GLRA1: variants seen among roughly 807,000 people sequenced by gnomAD.
GLRA1 encodes the protein glycine receptor subunit alpha-1.
Under a neutral mutation model 48.3 loss-of-function variants are expected in GLRA1, and 37 were observed. The ratio of observed to expected loss-of-function variants is 0.77; its 90% confidence interval spans 0.59 to 1.01. The LOEUF is 1.01. Ranked by LOEUF, GLRA1 falls within the 50% of genes least tolerant of loss-of-function variation. The pLI, the probability that GLRA1 is intolerant of heterozygous loss-of-function variation, is 0.00. For missense variants in GLRA1, 427 were observed against 571.0 expected (o/e 0.75, Z 2.57); for synonymous variants, 196 against 210.7 (o/e 0.93, Z 0.60).
chr5:151,880,389 C>T (rs59477412), intron 3 of GLRA1, among the ~76,000 whole-genome samples: 7,259 of 152,254 alleles, frequency 0.048, 610 homozygotes, highest in African/African-American at 0.16. Context: ...ACTCCTGGTT[C>T]AGATCTCTGT....
At chr5:151,835,070 C>A (rs7706957) in intron 7 of GLRA1, among the ~76,000 whole-genome samples, 3 of 143,218 alleles carry the variant, frequency 2.1e-5, no homozygotes, top group African/African-American at 5.2e-5. Flanking sequence ...GAAATAGACA[C>A]GATAAAAATG....
At chr5:151,856,074 T>C (rs1199019986) in intron 5 of GLRA1, among the ~76,000 whole-genome samples, 1 of 152,258 alleles carries the variant, frequency 6.6e-6, no homozygotes, top group African/African-American at 2.4e-5. Context: ...ACAATGACCC[T>C]TTGGAGAATG....
intron 3 of GLRA1, among the ~76,000 whole-genome samples, chr5:151,884,185 T>C (rs974827435): frequency 6.6e-6 from 1 of 152,098 alleles, no homozygotes; most frequent in African/African-American, 2.4e-5. Flanking sequence ...TCCCAACACT[T>C]TGGGAGGCCG....
At chr5:151,877,716 T>G (rs1467213841) in intron 3 of GLRA1, among the ~76,000 whole-genome samples, 1 of 152,192 alleles carries the variant, frequency 6.6e-6, no homozygotes, top group Non-Finnish European at 1.5e-5. Context: ...CTGATAGTTT[T>G]AAAAAGAGGA....
chr5:151,860,135 TA>T, intron 3 of GLRA1, 127 bp from the exon 4 acceptor site: 1 of 723,550 alleles, frequency 1.4e-6, no homozygotes. Flanking sequence ...TTGCATCTTA[TA>T]TGGGGGTGAG....
intron 8 of GLRA1, among the ~76,000 whole-genome samples, chr5:151,824,225 C>G (rs1375761948): frequency 6.6e-6 from 1 of 151,718 alleles, no homozygotes; most frequent in East Asian, 1.9e-4. Context: ...TCTTGAACTC[C>G]TGGCCTCGAG....
chr5:151,835,453 C>CA (rs1485385830), intron 7 of GLRA1, among the ~76,000 whole-genome samples: 1 of 152,162 alleles, frequency 6.6e-6, no homozygotes, highest in East Asian at 1.9e-4. Flanking sequence ...TACCAAAACT[C>CA]ATTTTATGAG....
At chr5:151,923,451 T>C (rs1233094344) in intron 1 of GLRA1, among the ~76,000 whole-genome samples, 1 of 152,182 alleles carries the variant, frequency 6.6e-6, no homozygotes, top group East Asian at 1.9e-4. Flanking sequence ...CAGTAAAATA[T>C]GAGAGGCAGG....
intron 8 of GLRA1, among the ~76,000 whole-genome samples, chr5:151,823,442 T>G (rs1763193777): frequency 6.6e-6 from 1 of 152,200 alleles, no homozygotes; most frequent in Admixed American, 6.5e-5. Context: ...ATCCCCTGCT[T>G]TGCCTCTGTT....
At chr5:151,847,925 G>A (rs770964184) in intron 7 of GLRA1, among the ~76,000 whole-genome samples, 1 of 152,230 alleles carries the variant, frequency 6.6e-6, no homozygotes, top group African/African-American at 2.4e-5. Flanking sequence ...GAATGGAGCA[G>A]AATGTGTATC....
intron 7 of GLRA1, among the ~76,000 whole-genome samples, chr5:151,840,891 C>T (rs1763697714): frequency 6.6e-6 from 1 of 152,136 alleles, no homozygotes; most frequent in Admixed American, 6.5e-5. Context: ...TGAAGCAAAA[C>T]TGCCTGAATT....
intron 1 of GLRA1, among the ~76,000 whole-genome samples, chr5:151,922,998 A>G (rs886736701): frequency 6.6e-6 from 1 of 152,228 alleles, no homozygotes; most frequent in African/African-American, 2.4e-5. Flanking sequence ...TCATATTATA[A>G]ATAGAATACT....
At chr5:151,903,618 T>A (rs1047384462) in intron 1 of GLRA1, among the ~76,000 whole-genome samples, 1 of 152,134 alleles carries the variant, frequency 6.6e-6, no homozygotes, top group Non-Finnish European at 1.5e-5. Flanking sequence ...AAAAAGACAT[T>A]CATTGATCAC....
chr5:151,885,373 G>A (rs1023893681), intron 3 of GLRA1, among the ~76,000 whole-genome samples: 3 of 152,204 alleles, frequency 2.0e-5, no homozygotes. Flanking sequence ...AAGCAGGTTG[G>A]TACAGTGGTA....
At position 151,855,110 on chromosome 5, in the gene GLRA1, T is replaced by A. The variant is rs751644739; in HGVS notation, c.627A>T (p.Gly209=). 1.9e-6 allele frequency: 3 copies of A among 1,613,834 alleles called. No individual in the cohort carries two copies. The highest frequency in any genetic ancestry group is 3.3e-5 in the Admixed American group (2 of 60,018). Residue 209 remains glycine (G), a synonymous_variant, in exon 6 of 9, where the codon GGA becomes GGT. Transcript: ENST00000274576. Reference sequence around the variant, plus strand: ...TCAAGATAAACTGGGGCAGAGTTAGTCCATCTGCTACCTGCACGGCTCCCT... The same window carrying A: ...TCAAGATAAACTGGGGCAGAGTTAGACCATCTGCTACCTGCACGGCTCCCT... ...QEQGAVQVAD[G]LTLPQFILKE... is the part of the protein sequence containing the mutation.
intron 8 of GLRA1, among the ~76,000 whole-genome samples, chr5:151,826,564 G>A (rs1763276097): frequency 1.3e-5 from 2 of 152,166 alleles, no homozygotes; most frequent in South Asian, 4.1e-4. Context: ...CCTTGCTATT[G>A]TGGGTCTCTC....
chr5:151,895,291 G>T (rs190654433), intron 1 of GLRA1, among the ~76,000 whole-genome samples: 8 of 152,198 alleles, frequency 5.3e-5, no homozygotes, highest in Non-Finnish European at 1.5e-5. Context: ...TATACATGGG[G>T]TATAGGGTGT....
At chr5:151,913,478 G>A (rs1478523760) in intron 1 of GLRA1, among the ~76,000 whole-genome samples, 1 of 152,168 alleles carries the variant, frequency 6.6e-6, no homozygotes, top group Non-Finnish European at 1.5e-5. Context: ...GTGAAGTAAA[G>A]GAGTTGTAAA....
At chr5:151,907,719 T>C (rs1754510216) in intron 1 of GLRA1, among the ~76,000 whole-genome samples, 1 of 152,240 alleles carries the variant, frequency 6.6e-6, no homozygotes, top group Non-Finnish European at 1.5e-5. Context: ...AAAGATTAGC[T>C]GATAGGACTG....
Sources: gnomAD v4.1 joint callset for allele counts (sites outside exome capture counted in the v4.1 genomes callset) on GRCh38, gnomAD v4.1.1 for gene constraint, MANE v1.5 for transcripts, NCBI Gene and HGNC (gene_info 2026-07-23, HGNC 2026-07-21) for gene names.